FHIT: variants seen among roughly 807,000 people sequenced by gnomAD.
FHIT encodes the protein fragile histidine triad diadenosine triphosphatase.
FHIT carries 19 observed loss-of-function variants against 17.9 expected under a neutral mutation model. That is an observed-to-expected ratio of 1.06 (90% confidence interval 0.74 to 1.56). The LOEUF (loss-of-function observed/expected upper bound fraction) is 1.56, where lower values mean the gene tolerates loss of function less well. Among genes scored for constraint, FHIT ranks in the 40% most tolerant of loss-of-function variants. FHIT has a pLI of 0.00. For missense variants in FHIT, 248 were observed against 189.2 expected, an observed-to-expected ratio of 1.31 and a Z score of -1.82; for synonymous variants, 81 against 69.7, an observed-to-expected ratio of 1.16 and a Z score of -0.81.
intron 4 of FHIT, among the ~76,000 whole-genome samples, chr3:60,659,771 G>A (rs62249155): frequency 0.057 from 8,632 of 151,960 alleles, 291 homozygotes; most frequent in South Asian, 0.098. Flanking sequence ...ACTTTTTCAG[G>A]GACAGACCTC....
chr3:60,227,715 G>A (rs573454661), intron 5 of FHIT, among the ~76,000 whole-genome samples: 2 of 152,164 alleles, frequency 1.3e-5, no homozygotes, highest in African/African-American at 2.4e-5. Flanking sequence ...ATCAGTCAGT[G>A]CTCTGATTTG....
chr3:60,260,201 C>A lies in FHIT; in HGVS notation c.104-246049G>T, dbSNP rs150714315. The stretch of plus-strand genomic sequence containing the variant: ...AAAACCATCCTTCCAGTTCTAAGGG[C>A]CGTAGAGGGTGTAGGAGGTTGGTTC... On this transcript the variant is annotated intron_variant, in intron 5 of 9. Transcript: ENST00000492590. Among the ~76,000 whole-genome samples the A allele has an allele frequency of 1.5e-3, 232 of 151,944 alleles. 1 individual carries two copies. Among genetic ancestry groups the A allele is most frequent in the African/African-American group, 5.4e-3 (223 of 41,456 alleles).
chr3:60,113,320 G>T (rs935380725), intron 5 of FHIT, among the ~76,000 whole-genome samples: 2 of 150,406 alleles, frequency 1.3e-5, no homozygotes, highest in Middle Eastern at 3.4e-3. Context: ...AAATGAATAG[G>T]CTATAATCCA....
chr3:60,449,635 A>G (rs1332301169), intron 5 of FHIT, among the ~76,000 whole-genome samples: 1 of 152,152 alleles, frequency 6.6e-6, no homozygotes, highest in Admixed American at 6.6e-5. Context: ...ATGTTATTGT[A>G]CTGAATACTG....
rs947920835 is a variant in FHIT at position 60,006,921 on chromosome 3, A to G, written c.279+4450T>C. Among the ~76,000 whole-genome samples, 9 of 152,306 alleles carry G rather than the reference A, an allele frequency of 5.9e-5. No individual in the cohort carries two copies. In the South Asian group the frequency reaches 6.2e-4, roughly 11 times the overall value. ...CCTTTTTATCTCATTTAATTTTTGA[A>G]TTATACTTCTACAAATAATTATCTT... On this transcript the variant is annotated intron_variant, in intron 7 of 9. Coordinates refer to ENST00000492590, the MANE Select transcript of FHIT (RefSeq NM_002012.4).
chr3:60,260,219 G>A (rs143017), intron 5 of FHIT, among the ~76,000 whole-genome samples: 104,420 of 151,644 alleles, frequency 0.69, 36,441 homozygotes, highest in East Asian at 0.93. Context: ...GGTGTAGGAG[G>A]TTGGTTCACA....
chr3:59,799,505 G>A (rs1699910923), intron 8 of FHIT, among the ~76,000 whole-genome samples: 1 of 152,176 alleles, frequency 6.6e-6, no homozygotes, highest in Non-Finnish European at 1.5e-5. Context: ...AAGGGGAGGG[G>A]AGAAAGTGGA....
chr3:60,865,383 C>T (rs1704110417), intron 3 of FHIT, among the ~76,000 whole-genome samples: 1 of 152,134 alleles, frequency 6.6e-6, no homozygotes, highest in South Asian at 2.1e-4. Context: ...CTGGTCAGCA[C>T]ATGTATCAGA....
chr3:60,279,184 C>G (rs1707308774), intron 5 of FHIT, among the ~76,000 whole-genome samples: 1 of 151,988 alleles, frequency 6.6e-6, no homozygotes, highest in Non-Finnish European at 1.5e-5. Context: ...AGATTACTAA[C>G]ATTAGAAATG....
At chr3:60,440,499 G>A (rs892890311) in intron 5 of FHIT, among the ~76,000 whole-genome samples, 3 of 152,160 alleles carry the variant, frequency 2.0e-5, no homozygotes, top group Non-Finnish European at 4.4e-5. Context: ...CAGGTCCTAC[G>A]CCTGTAACTT....
chr3:60,682,689 T>A (rs1337739280), intron 4 of FHIT, among the ~76,000 whole-genome samples: 3 of 152,220 alleles, frequency 2.0e-5, no homozygotes, highest in Non-Finnish European at 4.4e-5. Flanking sequence ...GAAATGAATG[T>A]TGTTTTCATG....
intron 5 of FHIT, among the ~76,000 whole-genome samples, chr3:60,020,233 G>T (rs1700502538): frequency 6.6e-6 from 1 of 152,098 alleles, no homozygotes; most frequent in African/African-American, 2.4e-5. Flanking sequence ...GCTCATCAAG[G>T]ATAATAATTG....
rs17062788 is a variant in FHIT, at chr3:60,337,947, T to G, written c.103+198913A>C. Among the ~76,000 whole-genome samples the G allele has an allele frequency of 4.5e-3, 683 of 152,296 alleles. 2 individuals carry two copies. The highest frequency in any genetic ancestry group is 0.015 in the African/African-American group (639 of 41,556). ...TGGAATACACAGTCACACATTACTATCAAGCCTGGGCATTTTTACCAGTTC... is the reference window on the plus strand; with the variant it reads ...TGGAATACACAGTCACACATTACTAGCAAGCCTGGGCATTTTTACCAGTTC... On this transcript the variant is annotated intron_variant, in intron 5 of 9. Transcript: ENST00000492590.
intron 4 of FHIT, among the ~76,000 whole-genome samples, chr3:60,609,253 C>G (rs190569518): frequency 8.9e-4 from 135 of 152,276 alleles, no homozygotes; most frequent in African/African-American, 3.1e-3. Context: ...AATCTGCCAG[C>G]ATTGCCTTTA....
intron 5 of FHIT, among the ~76,000 whole-genome samples, chr3:60,524,879 C>A (rs1056407046): frequency 1.3e-5 from 2 of 152,180 alleles, no homozygotes; most frequent in African/African-American, 2.4e-5. Flanking sequence ...TCCACAAAGA[C>A]CCCTTTCCTA....
intron 5 of FHIT, among the ~76,000 whole-genome samples, chr3:60,299,932 C>A (rs909898351): frequency 6.6e-6 from 1 of 152,128 alleles, no homozygotes; most frequent in Non-Finnish European, 1.5e-5. Flanking sequence ...TATTGCTAGA[C>A]TGCCCCTTTC....
chr3:60,138,806 C>T (rs542173245), intron 5 of FHIT, among the ~76,000 whole-genome samples: 388 of 152,222 alleles, frequency 2.5e-3, no homozygotes, highest in Non-Finnish European at 4.8e-3. Flanking sequence ...CTGCCACCAT[C>T]AGAAAGGCAG....
intron 5 of FHIT, among the ~76,000 whole-genome samples, chr3:60,105,562 T>C (rs558154611): frequency 7.2e-5 from 11 of 152,272 alleles, no homozygotes; most frequent in East Asian, 3.9e-4. Context: ...TATAAGAATA[T>C]TGCAACACCA....
At chr3:60,683,783 T>C (rs547727227) in intron 4 of FHIT, among the ~76,000 whole-genome samples, 3 of 152,286 alleles carry the variant, frequency 2.0e-5, no homozygotes, top group Admixed American at 6.5e-5. Context: ...CACTAGAGGG[T>C]TGGTTTGACA....
Sources: allele counts gnomAD v4.1 joint callset (sites outside exome capture counted in the v4.1 genomes callset), GRCh38; gene constraint gnomAD v4.1.1; transcripts MANE v1.5; gene names NCBI Gene and HGNC (gene_info 2026-07-23, HGNC 2026-07-21).